Variants in DYNC1I1 observed in about 807,000 individuals in gnomAD.
DYNC1I1 encodes cytoplasmic dynein 1 intermediate chain 1.
DYNC1I1 carries 43 observed loss-of-function variants against 86.6 expected under a neutral mutation model. The ratio of observed to expected loss-of-function variants is 0.50; its 90% CI spans 0.39 to 0.64. The LOEUF is 0.64. DYNC1I1 is among the 30% of genes least tolerant of loss of function. The pLI is 0.00. For missense variants in DYNC1I1, 604 were observed against 788.8 expected (o/e 0.77, Z 2.81); for synonymous variants, 262 against 283.7 (o/e 0.92, Z 0.77).
At chr7:96,013,464 T>C (rs947662255) in intron 10 of DYNC1I1, among the ~76,000 whole-genome samples, 3 of 152,108 alleles carry the variant, frequency 2.0e-5, no homozygotes, top group African/African-American at 7.2e-5. Flanking sequence ...TTTTGTTTTG[T>C]TTTGTTTTGT....
At chr7:95,996,186 T>A in intron 10 of DYNC1I1, 113 bp downstream of exon 10, 1 of 1,512,204 alleles carries the variant, frequency 6.6e-7, no homozygotes, top group Non-Finnish European at 8.9e-7. Flanking sequence ...AAAATGAAAT[T>A]GTTGACAATT....
At chr7:96,055,360 T>A (rs1382678408) in intron 14 of DYNC1I1, among the ~76,000 whole-genome samples, 3 of 152,028 alleles carry the variant, frequency 2.0e-5, no homozygotes, top group Non-Finnish European at 4.4e-5. Flanking sequence ...TATACCTATG[T>A]AACAAACCTG....
At position 95,787,729 on chromosome 7, in the gene DYNC1I1, C is replaced by A. The variant is rs1210253687; in HGVS notation, c.-10+14956C>A. Among the ~76,000 whole-genome samples the A allele has an allele frequency of 2.6e-5, 4 of 152,048 alleles. No individual in the cohort carries two copies. In the East Asian group the frequency reaches 7.7e-4, roughly 29 times the overall value. On this transcript the variant is annotated intron_variant, in intron 1 of 16. Coordinates refer to ENST00000447467, the MANE Select transcript of DYNC1I1 (RefSeq NM_001135556.2). ...GGAGGTTAACGTCTAAAAGGAGAGA[C>A]AAACAACAAAAAATACTGAAATGTT...
chr7:95,886,283 A>C (rs1264695924), intron 6 of DYNC1I1, among the ~76,000 whole-genome samples: 1 of 152,122 alleles, frequency 6.6e-6, no homozygotes, highest in Non-Finnish European at 1.5e-5. Flanking sequence ...TAAAAATACA[A>C]AAATTACCTG....
chr7:95,958,871 A>G (rs1171585079), intron 6 of DYNC1I1, among the ~76,000 whole-genome samples: 1 of 152,170 alleles, frequency 6.6e-6, no homozygotes, highest in Non-Finnish European at 1.5e-5. Context: ...TTTGACCAGG[A>G]AGGAAGAAAT....
intron 6 of DYNC1I1, among the ~76,000 whole-genome samples, chr7:95,884,825 C>A (rs1387333420): frequency 6.6e-6 from 1 of 151,130 alleles, no homozygotes; most frequent in Non-Finnish European, 1.5e-5. Context: ...ATAGAGACAA[C>A]AGCTTATAGG....
intron 10 of DYNC1I1, among the ~76,000 whole-genome samples, chr7:96,015,793 G>C (rs1353257863): frequency 1.3e-5 from 2 of 152,066 alleles, no homozygotes; most frequent in Non-Finnish European, 2.9e-5. Flanking sequence ...ACACGACAAT[G>C]GTGTAGAAAT....
Position 96,005,055 on chromosome 7 carries a change from TAA to T in DYNC1I1, c.969+8983_969+8984del, listed in dbSNP as rs539907693. Among the ~76,000 whole-genome samples, 1,040 of 152,298 alleles carry T rather than the reference TAA, an allele frequency of 6.8e-3. 7 individuals carry two copies. Among genetic ancestry groups the T allele is most frequent in the African/African-American group, 0.023 (950 of 41,566 alleles). ...AAAAAGTAAAAAGAGGATTAAAATA[TAA>T]GAGTATGAGTAAAAACTTTCTTCTC... is the stretch of plus-strand genomic sequence containing the variant. On this transcript the variant is annotated intron_variant, in intron 10 of 16. Coordinates refer to ENST00000447467, the MANE Select transcript of DYNC1I1 (RefSeq NM_001135556.2).
chr7:95,804,791 TAAGAG>T lies in DYNC1I1; in HGVS notation c.72_76del (p.Lys25ThrfsTer12). ...CGCAAAAAGCAGCGCTTAGCACAGATAAGAGAAGAGAAGAAACGGAAGGAAGAGGA... is the reference window on the plus strand; with the variant it reads ...CGCAAAAAGCAGCGCTTAGCACAGATAAGAGAAGAAACGGAAGGAAGAGGA... On this transcript the variant is annotated frameshift_variant, in exon 2 of 17. Transcript: ENST00000447467. LOFTEE classifies it high-confidence loss of function. The T allele has an allele frequency of 1.9e-6, 3 of 1,586,914 alleles. No individual in the cohort carries two copies. Among genetic ancestry groups the T allele is most frequent in the Non-Finnish European group, 2.6e-6 (3 of 1,164,920 alleles).
At chr7:96,028,099 C>T in intron 10 of DYNC1I1, 76 bp from the exon 11 acceptor site, 1 of 1,547,640 alleles carries the variant, frequency 6.5e-7, no homozygotes. Flanking sequence ...ATGTGATGAA[C>T]TGTTTTCAGG....
chr7:95,950,685 C>A (rs187917523), intron 6 of DYNC1I1, among the ~76,000 whole-genome samples: 30 of 152,054 alleles, frequency 2.0e-4, no homozygotes, highest in Non-Finnish European at 3.1e-4. Context: ...GTCAAAGAGA[C>A]AAGGAAAGAA....
At chr7:95,820,163 G>A (rs950847340) in intron 4 of DYNC1I1, among the ~76,000 whole-genome samples, 2 of 152,170 alleles carry the variant, frequency 1.3e-5, no homozygotes, top group Non-Finnish European at 1.5e-5. Flanking sequence ...TTTAAAAAGA[G>A]CCTGATATAA....
intron 6 of DYNC1I1, among the ~76,000 whole-genome samples, chr7:95,873,755 C>T (rs1324167275): frequency 1.3e-5 from 2 of 152,220 alleles, no homozygotes; most frequent in African/African-American, 2.4e-5. Flanking sequence ...AGAAAGGCTG[C>T]AGGTCTTTGG....
At chr7:95,911,061 G>T (rs1470485261) in intron 6 of DYNC1I1, among the ~76,000 whole-genome samples, 1 of 152,214 alleles carries the variant, frequency 6.6e-6, no homozygotes, top group African/African-American at 2.4e-5. Flanking sequence ...GCTTGGAAGA[G>T]TTCTGAAGAG....
At chr7:95,862,671 A>G (rs552612175) in intron 5 of DYNC1I1, among the ~76,000 whole-genome samples, 5 of 152,204 alleles carry the variant, frequency 3.3e-5, no homozygotes, top group African/African-American at 9.6e-5. Context: ...ATATATAATC[A>G]CCTGCCATGT....
intron 6 of DYNC1I1, among the ~76,000 whole-genome samples, chr7:95,918,264 T>G (rs1791518999): frequency 1.3e-5 from 2 of 152,192 alleles, no homozygotes; most frequent in South Asian, 4.1e-4. Context: ...ACTTCACACC[T>G]TATGGGCCAC....
At chr7:96,009,061 G>A (rs546521421) in intron 10 of DYNC1I1, among the ~76,000 whole-genome samples, 3 of 152,164 alleles carry the variant, frequency 2.0e-5, no homozygotes, top group Non-Finnish European at 4.4e-5. Context: ...TGTCTATCTA[G>A]CAATCAATCA....
At chr7:95,781,276 A>T (rs1793986835) in intron 1 of DYNC1I1, among the ~76,000 whole-genome samples, 2 of 152,222 alleles carry the variant, frequency 1.3e-5, no homozygotes, top group South Asian at 4.1e-4. Context: ...GCTTTTTAAT[A>T]TTTGTCAAAT....
chr7:95,812,991 G>A (rs1320163175), intron 3 of DYNC1I1, among the ~76,000 whole-genome samples: 1 of 151,988 alleles, frequency 6.6e-6, no homozygotes, highest in Non-Finnish European at 1.5e-5. Context: ...CTTTGTTAGG[G>A]TGGACATGGC....
Sources: allele counts gnomAD v4.1 joint callset (sites outside exome capture counted in the v4.1 genomes callset), GRCh38; gene constraint gnomAD v4.1.1; transcripts MANE v1.5; gene names NCBI Gene and HGNC (gene_info 2026-07-23, HGNC 2026-07-21).